Variants in CCDC63 observed in about 807,000 individuals in gnomAD.
CCDC63 encodes the protein coiled-coil domain containing 63.
Under a neutral mutation model 63.6 loss-of-function variants are expected in CCDC63, and 54 were observed. The ratio of observed to expected loss-of-function variants is 0.85; its 90% CI spans 0.68 to 1.07. The LOEUF (loss-of-function observed/expected upper bound fraction) is 1.07, where lower values mean the gene tolerates loss of function less well. Among genes scored for constraint, CCDC63 ranks in the 50% least tolerant of loss-of-function variants. The probability of loss-of-function intolerance (pLI) is 0.00; values close to 1 mark genes in which losing one functional copy is unlikely to be tolerated. For synonymous variants in CCDC63, 253 were observed against 266.1 expected, an observed-to-expected ratio of 0.95 and a Z score of 0.48; for missense variants, 637 against 689.6, an observed-to-expected ratio of 0.92 and a Z score of 0.86.
upstream of CCDC63, among the ~76,000 whole-genome samples, chr12:110,844,719 G>A (rs1593624916): frequency 2.0e-5 from 3 of 152,308 alleles, 1 homozygote. Flanking sequence ...GGAGGTGTGT[G>A]TAAAACTCAA....
intron 5 of CCDC63, among the ~76,000 whole-genome samples, chr12:110,876,014 G>C (rs776992399): frequency 1.3e-5 from 2 of 151,660 alleles, no homozygotes; most frequent in Admixed American, 6.6e-5. Context: ...GCTGAGGCAG[G>C]AGAATTGCTT....
At chr12:110,885,190 AAG>A (rs202051532) in intron 8 of CCDC63, among the ~76,000 whole-genome samples, 8 of 150,438 alleles carry the variant, frequency 5.3e-5, no homozygotes, top group African/African-American at 1.2e-4. Context: ...AAAAAAAAAA[AAG>A]AGAGAGAGAG....
chr12:110,871,719 G>A (rs972342151), intron 4 of CCDC63, among the ~76,000 whole-genome samples: 11 of 152,126 alleles, frequency 7.2e-5, no homozygotes, highest in Admixed American at 1.3e-4. Flanking sequence ...GTATACACTC[G>A]TAATCATCAC....
At chr12:110,894,574 G>T (rs2071394810) in intron 9 of CCDC63, among the ~76,000 whole-genome samples, 1 of 152,162 alleles carries the variant, frequency 6.6e-6, no homozygotes, top group Non-Finnish European at 1.5e-5. Context: ...AGCACATGCT[G>T]CCCATTGAGG....
At position 110,846,993 on chromosome 12, in the gene CCDC63, C is replaced by G. The variant is rs374883838; in HGVS notation, c.-209C>G. 9 of 152,346 alleles carry G rather than the reference C, an allele frequency of 5.9e-5. No individual in the cohort carries two copies. The highest frequency in any genetic ancestry group is 1.9e-4 in the African/African-American group (8 of 41,562). The allele number at this position is 152,346 out of a possible 1,614,324, so 9.4% of individuals were successfully genotyped here. On this transcript the variant is annotated 5_prime_UTR_variant, in exon 1 of 12. Coordinates refer to ENST00000308208, the MANE Select transcript of CCDC63 (RefSeq NM_152591.3). Reference sequence around the variant, plus strand: ...CGGGCGTGGGGCTGGGGGTGTGGCGCAGCGAGGCCGCGCAGCAAGCAGTCC... The same window carrying G: ...CGGGCGTGGGGCTGGGGGTGTGGCGGAGCGAGGCCGCGCAGCAAGCAGTCC...
chr12:110,860,220 C>G (rs936219118), intron 4 of CCDC63, among the ~76,000 whole-genome samples: 1 of 152,348 alleles, frequency 6.6e-6, no homozygotes, highest in Non-Finnish European at 1.5e-5. Flanking sequence ...TTCCAACCCT[C>G]TGATCCTCAG....
chr12:110,877,728 C>T (rs1447433174), intron 5 of CCDC63, among the ~76,000 whole-genome samples: 2 of 140,548 alleles, frequency 1.4e-5, no homozygotes, highest in African/African-American at 5.4e-5. Flanking sequence ...TTTTTTGAGA[C>T]TGAGTCTCAT....
intron 5 of CCDC63, 100 bp downstream of exon 5, chr12:110,874,061 C>T: frequency 1.4e-6 from 2 of 1,442,260 alleles, no homozygotes; most frequent in Non-Finnish European, 9.3e-7. Context: ...ATACCCATTT[C>T]CCTGGTTGAC....
chr12:110,858,704 C>G lies in CCDC63; in HGVS notation c.298C>G (p.Leu100Val). 3.7e-6 allele frequency: 6 copies of G among 1,614,080 alleles called. No homozygotes were observed. Among genetic ancestry groups the G allele is most frequent in the Non-Finnish European group, 5.1e-6 (6 of 1,180,010 alleles). Residue 100 changes from leucine (L) to valine (V), a missense_variant, in exon 4 of 12, where the codon CTC (leucine) becomes GTC (valine). By Grantham distance (32) the Leu-to-Val change is conservative. Transcript: ENST00000308208. ...GAACTACATGGAGCTGCGACTCCTG[C>G]TCCAAACTAAGGAGGACTATGAGGC... ...EKNYMELRLLLQTKEDYEALI... is the reference protein window; with the variant it reads ...EKNYMELRLLVQTKEDYEALI...
In CCDC63 at chr12:110,893,164, C is replaced by A; in HGVS notation, c.1149+14C>A. On this transcript the variant is annotated intron_variant, in intron 9 of 11. Transcript: ENST00000308208. ...AGACAGCTGGAGGTGAGAACAGGAT[C>A]GGGAGGGAGGGATGCGGGAGCTTCT... The A allele has an allele frequency of 6.2e-7, 1 of 1,608,554 alleles. No homozygotes were observed. Among genetic ancestry groups the A allele is most frequent in the Non-Finnish European group, 8.5e-7 (1 of 1,175,296 alleles).
In CCDC63 at chr12:110,889,760, C is replaced by T. The variant is rs1241851046; in HGVS notation, c.1075-3316C>T. On this transcript the variant is annotated intron_variant, in intron 8 of 11. Transcript: ENST00000308208. The surrounding 1 kb of genome is among the most constrained non-coding windows in gnomAD (Gnocchi z 4.1). ...CAATTTGCAAAATAGTAAAAAGTCT[C>T]AATGTGAATCCCATCACCTGGATAT... Among the ~76,000 whole-genome samples, 1 of 152,142 alleles carries T rather than the reference C, an allele frequency of 6.6e-6. No individual in the cohort carries two copies. Among genetic ancestry groups the T allele is most frequent in the Non-Finnish European group, 1.5e-5 (1 of 68,026 alleles).
chr12:110,852,583 CTT>C (rs534102360), intron 1 of CCDC63, among the ~76,000 whole-genome samples: 224 of 152,222 alleles, frequency 1.5e-3, no homozygotes, highest in African/African-American at 5.2e-3. Context: ...TTTGCCCCCT[CTT>C]TGGGTACACA....
chr12:110,894,212 A>ACAG (rs976732255), intron 9 of CCDC63, among the ~76,000 whole-genome samples: 28 of 151,874 alleles, frequency 1.8e-4, no homozygotes, highest in African/African-American at 6.5e-4. Flanking sequence ...TGCAACAACA[A>ACAG]CAACAAAAAT....
chr12:110,875,446 ATTT>A (rs879583659), intron 5 of CCDC63, among the ~76,000 whole-genome samples: 2 of 145,602 alleles, frequency 1.4e-5, no homozygotes, highest in African/African-American at 2.5e-5. Context: ...TATAGGTATA[ATTT>A]TTTTTTTTTT....
intron 8 of CCDC63, among the ~76,000 whole-genome samples, chr12:110,888,859 TTCG>T (rs2071322377): frequency 2.1e-5 from 3 of 143,728 alleles, no homozygotes; most frequent in East Asian, 2.0e-4. Flanking sequence ...CCTTCCTTCC[TTCG>T]TTTTTCTTTC....
chr12:110,863,871 T>C (rs752802822), intron 4 of CCDC63, among the ~76,000 whole-genome samples: 11 of 152,208 alleles, frequency 7.2e-5, no homozygotes, highest in Non-Finnish European at 1.6e-4. Context: ...TCTGCAATGA[T>C]GGTTTGTCTT....
intron 9 of CCDC63, among the ~76,000 whole-genome samples, chr12:110,895,440 T>C (rs905992938): frequency 1.3e-5 from 2 of 152,216 alleles, no homozygotes; most frequent in Admixed American, 1.3e-4. Context: ...AGCAATAGAC[T>C]CACAGATGTT....
At chr12:110,847,358 G>T (rs962852789) in intron 1 of CCDC63, among the ~76,000 whole-genome samples, 1 of 152,114 alleles carries the variant, frequency 6.6e-6, no homozygotes, top group Non-Finnish European at 1.5e-5. Flanking sequence ...GAGCCCAGGG[G>T]TTCGAGACCA....
Position 110,858,763 on chromosome 12 carries a change from A to C in CCDC63, c.357A>C (p.Glu119Asp). 1 of 1,613,658 alleles carries C rather than the reference A, an allele frequency of 6.2e-7. No homozygotes were observed. Among genetic ancestry groups the C allele is most frequent in the Non-Finnish European group, 8.5e-7 (1 of 1,179,764 alleles). ...AATCCCTGAAAGTGCTGTTGGCTGA[A>C]CTGGATGAGAAGGTGTGGTCTTTCT... is the stretch of plus-strand genomic sequence containing the variant. ...LIKSLKVLLA[E>D]LDEKILQMEK... The change falls in exon 4 of 12, where the codon GAA becomes GAC. Residue 119 changes from glutamate to aspartate, a missense_variant. Glu to Asp is a conservative substitution (Grantham distance 45). Coordinates refer to ENST00000308208, the MANE Select transcript of CCDC63 (RefSeq NM_152591.3).
Sources: gnomAD v4.1 joint callset for allele counts (sites outside exome capture counted in the v4.1 genomes callset) on GRCh38, gnomAD v4.1.1 for gene constraint, Gnocchi (gnomAD v3.1) non-coding constraint, MANE v1.5 for transcripts, NCBI Gene and HGNC (gene_info 2026-07-23, HGNC 2026-07-21) for gene names.